The following SDK1 variants were observed in gnomAD, a reference collection of about 807,000 sequenced individuals.
SDK1 encodes the protein sidekick cell adhesion molecule 1.
Under a neutral mutation model 245.5 loss-of-function variants are expected in SDK1, and 157 were observed. That is an observed-to-expected ratio of 0.64 (90% CI 0.56 to 0.73). SDK1 has a LOEUF of 0.73. Ranked by LOEUF, SDK1 falls within the 30% of genes least tolerant of loss-of-function variation. SDK1 has a pLI of 0.00. For synonymous variants in SDK1, 1,647 were observed against 1,278.5 expected (o/e 1.29, Z -6.15); for missense variants, 3,583 against 3,002.3 (o/e 1.19, Z -4.52).
At chr7:4,214,324 G>C (rs745442836) in intron 38 of SDK1, among the ~76,000 whole-genome samples, 5 of 152,220 alleles carry the variant, frequency 3.3e-5, no homozygotes, top group African/African-American at 1.2e-4. Context: ...CTGCACAGCC[G>C]AGTAGGGGGC....
intron 1 of SDK1, among the ~76,000 whole-genome samples, chr7:3,594,081 C>T (rs1471817916): frequency 6.6e-6 from 1 of 152,130 alleles, no homozygotes; most frequent in Non-Finnish European, 1.5e-5. Context: ...AACCATGTAC[C>T]TACTAGGAGT....
intron 1 of SDK1, among the ~76,000 whole-genome samples, chr7:3,502,018 C>G (rs549860811): frequency 6.6e-6 from 1 of 152,140 alleles, no homozygotes; most frequent in South Asian, 2.1e-4. Context: ...AAACTTTTAA[C>G]AAAAATTCCA....
intron 4 of SDK1, among the ~76,000 whole-genome samples, chr7:3,716,954 T>G (rs1785221069): frequency 6.6e-6 from 1 of 152,128 alleles, no homozygotes; most frequent in East Asian, 1.9e-4. Context: ...ACACTACTTT[T>G]CACTTCATGA....
chr7:4,148,454 A>G (rs1343082531), intron 29 of SDK1, among the ~76,000 whole-genome samples: 1 of 152,216 alleles, frequency 6.6e-6, no homozygotes, highest in African/African-American at 2.4e-5. Context: ...CATCCAAGCT[A>G]CTGCACACAC....
intron 1 of SDK1, among the ~76,000 whole-genome samples, chr7:3,342,760 C>G (rs1053392414): frequency 5.3e-5 from 8 of 152,054 alleles, no homozygotes; most frequent in Non-Finnish European, 1.0e-4. Flanking sequence ...AAGGTACATA[C>G]TAGTAGAAAA....
chr7:3,770,459 A>G (rs1780377360), intron 4 of SDK1, among the ~76,000 whole-genome samples: 1 of 152,222 alleles, frequency 6.6e-6, no homozygotes, highest in African/African-American at 2.4e-5. Flanking sequence ...ATCTGAGATA[A>G]AAATCTCAGA....
At chr7:4,005,194 T>C (rs1156883192) in intron 14 of SDK1, among the ~76,000 whole-genome samples, 1 of 151,594 alleles carries the variant, frequency 6.6e-6, no homozygotes, top group South Asian at 2.1e-4. Context: ...TACAGGTGCA[T>C]GACACCACGC....
At chr7:3,381,710 G>A (rs1316670034) in intron 1 of SDK1, among the ~76,000 whole-genome samples, 4 of 152,112 alleles carry the variant, frequency 2.6e-5, no homozygotes, top group African/African-American at 9.7e-5. Flanking sequence ...GAAGGAAGGA[G>A]AAAAGCACCT....
At chr7:3,655,499 A>ATC (rs1562634449) in intron 4 of SDK1, among the ~76,000 whole-genome samples, 1 of 64,056 alleles carries the variant, frequency 1.6e-5, no homozygotes, top group African/African-American at 3.9e-5. Context: ...ATATATATAT[A>ATC]TATATGTATG....
intron 1 of SDK1, among the ~76,000 whole-genome samples, chr7:3,487,752 C>G (rs1488051894): frequency 1.9e-5 from 1 of 52,182 alleles, no homozygotes; most frequent in Non-Finnish European, 3.9e-5. Context: ...AAGACCCCAT[C>G]TCAAAAAAAA....
intron 4 of SDK1, among the ~76,000 whole-genome samples, chr7:3,742,969 C>T (rs1050637983): frequency 6.6e-6 from 1 of 152,072 alleles, no homozygotes; most frequent in Non-Finnish European, 1.5e-5. Flanking sequence ...GATGAATGAC[C>T]CTCATTAACA....
chr7:3,860,090 T>G (rs1475102193), intron 5 of SDK1, among the ~76,000 whole-genome samples: 1 of 151,964 alleles, frequency 6.6e-6, no homozygotes, highest in East Asian at 1.9e-4. Flanking sequence ...TGGCTAAGTT[T>G]TTTGTATTTT....
chr7:3,876,930 G>A (rs139386766), intron 5 of SDK1, among the ~76,000 whole-genome samples: 222 of 152,252 alleles, frequency 1.5e-3, no homozygotes, highest in African/African-American at 5.1e-3. Flanking sequence ...CTTTTTAAAC[G>A]AATTCTACTT....
chr7:3,713,225 C>A (rs539528636), intron 4 of SDK1, among the ~76,000 whole-genome samples: 1 of 152,324 alleles, frequency 6.6e-6, no homozygotes, highest in South Asian at 2.1e-4. Flanking sequence ...ACATTGTCTT[C>A]CTTTGTTAGG....
chr7:3,943,634 G>A (rs565082413), intron 5 of SDK1, among the ~76,000 whole-genome samples: 7 of 151,730 alleles, frequency 4.6e-5, no homozygotes, highest in South Asian at 4.2e-4. Flanking sequence ...CGGGGCTGCC[G>A]TGGAAGGGGC....
chr7:3,510,834 A>AC (rs764448935), intron 1 of SDK1, among the ~76,000 whole-genome samples: 1 of 152,182 alleles, frequency 6.6e-6, no homozygotes, highest in African/African-American at 2.4e-5. Flanking sequence ...GATGTAAATT[A>AC]CCCCAACAAA....
intron 28 of SDK1, among the ~76,000 whole-genome samples, chr7:4,144,885 T>C (rs1210426054): frequency 6.6e-6 from 1 of 152,066 alleles, no homozygotes; most frequent in East Asian, 1.9e-4. Context: ...GCCCCGTCAT[T>C]TCTGGTTTTA....
At chr7:4,228,504 T>G (rs1785566499) in intron 40 of SDK1, among the ~76,000 whole-genome samples, 1 of 152,220 alleles carries the variant, frequency 6.6e-6, no homozygotes, top group East Asian at 1.9e-4. Context: ...TGTGGCTTTT[T>G]AGGGGACATG....
At chr7:3,359,127 A>T (rs1011443552) in intron 1 of SDK1, among the ~76,000 whole-genome samples, 1 of 152,152 alleles carries the variant, frequency 6.6e-6, no homozygotes, top group Non-Finnish European at 1.5e-5. Flanking sequence ...ACGCAGGTCA[A>T]TTGGAGTCCC....
Sources: allele counts gnomAD v4.1 joint callset (sites outside exome capture counted in the v4.1 genomes callset), GRCh38; gene constraint gnomAD v4.1.1; transcripts MANE v1.5; gene names NCBI Gene and HGNC (gene_info 2026-07-23, HGNC 2026-07-21).